STARD9: variants seen among roughly 807,000 people sequenced by gnomAD.
STARD9 encodes the protein StAR related lipid transfer domain containing 9.
A neutral mutation model predicts 399.8 loss-of-function variants in STARD9; 346 were observed. That is an observed-to-expected ratio of 0.87 (90% CI 0.79 to 0.95). The LOEUF (loss-of-function observed/expected upper bound fraction) is 0.95, where lower values mean the gene tolerates loss of function less well. STARD9 is among the 40% of genes least tolerant of loss of function. The pLI is 0.00. For synonymous variants in STARD9, 2,203 were observed against 2,143.5 expected, an observed-to-expected ratio of 1.03 and a Z score of -0.77; for missense variants, 5,832 against 5,667.5, an observed-to-expected ratio of 1.03 and a Z score of -0.93.
intron 3 of STARD9, among the ~76,000 whole-genome samples, chr15:42,621,471 C>G (rs1005182282): frequency 3.9e-5 from 6 of 152,188 alleles, no homozygotes; most frequent in East Asian, 1.9e-4. Flanking sequence ...AAGGCAGCCC[C>G]TAGAACTACG....
chr15:42,665,417 G>A (rs113963501), intron 14 of STARD9, 87 bp downstream of exon 14: 1 of 1,039,254 alleles, frequency 9.6e-7, no homozygotes. Context: ...GGGCCCTGCT[G>A]CATTCTATGT....
chr15:42,623,865 G>A (rs2059141815), intron 3 of STARD9, among the ~76,000 whole-genome samples: 1 of 152,232 alleles, frequency 6.6e-6, no homozygotes. Context: ...CATATAGGCT[G>A]TTGCCTGGAA....
chr15:42,617,509 A>G (rs1461767878), intron 3 of STARD9, among the ~76,000 whole-genome samples: 1 of 151,926 alleles, frequency 6.6e-6, no homozygotes, highest in Non-Finnish European at 1.5e-5. Flanking sequence ...ACTAGGTGAT[A>G]ATAGTTATCA....
At position 42,681,497 on chromosome 15, in the gene STARD9, T is replaced by G. The variant is rs761416084; in HGVS notation, c.1950T>G (p.Ile650Met). Reference protein sequence around the residue: ...RDGETSHRAQIQQQQSYVEDL... With the variant: ...RDGETSHRAQMQQQQSYVEDL... ...GAGAGACATCCCACAGGGCCCAGATTCAGCAGCAGCAGAGCTACGTAGAGG... is the reference window on the plus strand; with the variant it reads ...GAGAGACATCCCACAGGGCCCAGATGCAGCAGCAGCAGAGCTACGTAGAGG... The change falls in exon 21 of 33, where the codon ATT becomes ATG. Residue 650 changes from isoleucine to methionine, a missense_variant. Around this residue, in one of 2 missense-constraint regions of STARD9, gnomAD observed 5,828 missense variants for 5,651.1 expected, o/e 1.03. Coordinates refer to ENST00000290607, the MANE Select transcript of STARD9 (RefSeq NM_020759.3). 46 of 1,537,076 alleles carry G rather than the reference T, an allele frequency of 3.0e-5. No individual in the cohort carries two copies. Among genetic ancestry groups the G allele is most frequent in the African/African-American group, 4.1e-5 (3 of 73,024 alleles).
Position 42,686,595 on chromosome 15 carries a change from G to A in STARD9, c.5017G>A (p.Ala1673Thr), listed in dbSNP as rs763649628. ...AGCAGACCATTGGTCCCAAGGCTGG[G>A]CTCCTCTCAGGAAAAATAGTGCAGT... ...TKADHWSQGW[A>T]PLRKNSAVQP... Residue 1673 changes from alanine (A) to threonine (T), a missense_variant, in exon 23 of 33, where the codon GCT (alanine) becomes ACT (threonine). Ala to Thr is a moderately conservative substitution (Grantham distance 58, BLOSUM62 0). Transcript: ENST00000290607. 30 of 1,537,236 alleles carry A rather than the reference G, an allele frequency of 2.0e-5. No homozygotes were observed. The highest frequency in any genetic ancestry group is 2.5e-5 in the Non-Finnish European group (29 of 1,146,994).
At position 42,694,253 on chromosome 15, in the gene STARD9, T is replaced by C. The variant is rs866870231; in HGVS notation, c.12675T>C (p.Asp4225=). ...TGCACCATGGCTTTGGGGAGGCCGA[T>C]GCCCTGCTCCAGGTGCTGCAGAGTG... ...AKLHHGFGEA[D]ALLQVLQSGT... is the part of the protein sequence containing the mutation. The change falls in exon 23 of 33, where the codon GAT becomes GAC. Residue 4225 remains aspartate (D), a synonymous_variant. Transcript: ENST00000290607. 5 of 1,529,642 alleles carry C rather than the reference T, an allele frequency of 3.3e-6. No individual in the cohort carries two copies. The Middle Eastern group carries it at 8.4e-4, about 258-fold the overall frequency. 94.8% of individuals were successfully genotyped at this position (1,529,642 alleles called of 1,614,324 possible).
chr15:42,634,207 A>G (rs989314680), intron 3 of STARD9, among the ~76,000 whole-genome samples: 4 of 152,088 alleles, frequency 2.6e-5, no homozygotes, highest in African/African-American at 7.2e-5. Context: ...AAAGCTGGCT[A>G]TTTTTTCCTG....
intron 3 of STARD9, 93 bp downstream of exon 3, chr15:42,585,730 A>G (rs2058264001): frequency 1.7e-5 from 14 of 803,590 alleles, no homozygotes; most frequent in Non-Finnish European, 2.4e-5. Context: ...CAAGGTTAGT[A>G]TAGCACAGTT....
chr15:42,649,108 C>A (rs2141981521), intron 7 of STARD9, among the ~76,000 whole-genome samples: 1 of 152,206 alleles, frequency 6.6e-6, no homozygotes, highest in Admixed American at 6.5e-5. Context: ...CAGCTCACTG[C>A]AACCTCCACC....
At position 42,720,293 on chromosome 15, in the gene STARD9, T is replaced by C. The variant is rs765859766; in HGVS notation, c.*719T>C. ...AGATGGAAGACACTATAGAACCAGG[T>C]TGGACAGATTTGGGGTCAGGGTTGG... On this transcript the variant is annotated 3_prime_UTR_variant, in exon 33 of 33. Transcript: ENST00000290607. 2.0e-5 allele frequency: 3 copies of C among 152,320 alleles called. No homozygotes were observed. Among genetic ancestry groups the C allele is most frequent in the African/African-American group, 7.2e-5 (3 of 41,424 alleles). The allele number at this position is 152,320 out of a possible 1,614,324, so 9.4% of individuals were successfully genotyped here. A position where few individuals can be genotyped will look rare whatever the true frequency, so the allele number is the denominator to read the frequency against.
intron 22 of STARD9, among the ~76,000 whole-genome samples, chr15:42,683,062 C>T (rs116259624): frequency 0.028 from 4,283 of 152,288 alleles, 174 homozygotes; most frequent in African/African-American, 0.087. Context: ...TTGGGACCTT[C>T]CTTGTTTCTT....
chr15:42,649,091 G>T (rs1171060707), intron 7 of STARD9, among the ~76,000 whole-genome samples: 1 of 151,850 alleles, frequency 6.6e-6, no homozygotes, highest in Non-Finnish European at 1.5e-5. Context: ...GTGCAATGGC[G>T]CAATCTCAGC....
chr15:42,673,254 T>C (rs1566923001), intron 16 of STARD9: 1 of 151,810 alleles, frequency 6.6e-6, no homozygotes, highest in Middle Eastern at 3.2e-3. Flanking sequence ...ATATAAAAAT[T>C]AGCTGGGCGT....
At chr15:42,681,068 C>G (rs776163666) in intron 20 of STARD9, among the ~76,000 whole-genome samples, 5 of 152,220 alleles carry the variant, frequency 3.3e-5, no homozygotes, top group Non-Finnish European at 5.9e-5. Flanking sequence ...TTTTAGCAGA[C>G]ACCTTTTTGT....
At chr15:42,683,735 T>C (rs74012618) in intron 22 of STARD9, among the ~76,000 whole-genome samples, 6 of 152,330 alleles carry the variant, frequency 3.9e-5, no homozygotes, top group African/African-American at 1.4e-4. Flanking sequence ...TTTGTAATCA[T>C]TATTTTTATT....
At position 42,688,617 on chromosome 15, in the gene STARD9, C is replaced by A. The variant is rs569239428; in HGVS notation, c.7039C>A (p.Leu2347Ile). ...LNSPRWPRRCLHVPVALGISS... is the reference protein window; with the variant it reads ...LNSPRWPRRCIHVPVALGISS... ...TTCTCCAAGGTGGCCAAGAAGGTGTCTTCATGTACCTGTTGCTCTAGGCAT... is the reference window on the plus strand; with the variant it reads ...TTCTCCAAGGTGGCCAAGAAGGTGTATTCATGTACCTGTTGCTCTAGGCAT... The change falls in exon 23 of 33, where the codon CTT becomes ATT. Residue 2347 changes from leucine to isoleucine, a missense_variant. Leu to Ile is a conservative substitution (Grantham distance 5). Transcript: ENST00000290607. 1.9e-5 allele frequency: 29 copies of A among 1,537,578 alleles called. No homozygotes were observed. The South Asian group carries it at 3.3e-4, about 18-fold the overall frequency.
At position 42,682,301 on chromosome 15, in the gene STARD9, A is replaced by T. The variant is rs760509731; in HGVS notation, c.2263A>T (p.Thr755Ser). The change falls in exon 22 of 33, where the codon ACT (threonine) becomes TCT (serine). Residue 755 changes from threonine to serine, a missense_variant. By Grantham distance (58) the Thr-to-Ser change is moderately conservative. Transcript: ENST00000290607. The stretch of plus-strand genomic sequence containing the variant: ...GCACCTGCAGCTCCTGCGGAGACAC[A>T]CTCTTCGGGCAGCAGAGCGGAATGT... ...VVHLQLLRRHTLRAAERNVRR... is the reference protein window; with the variant it reads ...VVHLQLLRRHSLRAAERNVRR... The T allele has an allele frequency of 3.9e-6, 6 of 1,537,020 alleles. No individual in the cohort carries two copies. The highest frequency in any genetic ancestry group is 8.7e-7 in the Non-Finnish European group (1 of 1,146,886).
At chr15:42,594,087 G>C (rs1462054244) in intron 3 of STARD9, among the ~76,000 whole-genome samples, 1 of 151,786 alleles carries the variant, frequency 6.6e-6, no homozygotes, top group Non-Finnish European at 1.5e-5. Flanking sequence ...GTGAGAGTGA[G>C]AGAGACAGAC....
At chr15:42,637,672 C>T (rs1233497519) in intron 4 of STARD9, among the ~76,000 whole-genome samples, 2 of 152,110 alleles carry the variant, frequency 1.3e-5, no homozygotes, top group Non-Finnish European at 2.9e-5. Flanking sequence ...CTCCTCTTTT[C>T]CTTCTTATGG....
Sources: allele counts gnomAD v4.1 joint callset (sites outside exome capture counted in the v4.1 genomes callset), GRCh38; gene constraint gnomAD v4.1.1; regional missense constraint gnomAD v4.1.1; transcripts MANE v1.5; gene names NCBI Gene and HGNC (gene_info 2026-07-23, HGNC 2026-07-21).